Variants in LTN1 observed in about 807,000 individuals in gnomAD.
The protein encoded by LTN1 is E3 ubiquitin-protein ligase listerin.
A neutral mutation model predicts 201.2 loss-of-function variants in LTN1; 88 were observed. That is an observed-to-expected ratio of 0.44 (90% CI 0.37 to 0.52). The LOEUF (loss-of-function observed/expected upper bound fraction) is 0.52, where lower values mean the gene tolerates loss of function less well. Among genes scored for constraint, LTN1 ranks in the 20% least tolerant of loss-of-function variants. LTN1 has a pLI of 0.00. For missense variants in LTN1, 1,752 were observed against 2,038.7 expected (o/e 0.86, Z 2.71); for synonymous variants, 645 against 713.5 (o/e 0.90, Z 1.53).
chr21:28,986,653 T>C lies in LTN1; in HGVS notation c.246+78A>G. On this transcript the variant is annotated intron_variant, in intron 2 of 29. Transcript: ENST00000361371. This position sits in a 1 kb window ranked among gnomAD's most constrained non-coding sequence, Gnocchi z 4.1. ...TAGCAATAAATTGTTCATTTTTCTT[T>C]ACATAAAACATGCTAATGACATTTT... 2 of 1,102,738 alleles carry C rather than the reference T, an allele frequency of 1.8e-6. No homozygotes were observed. Among genetic ancestry groups the C allele is most frequent in the Non-Finnish European group, 2.7e-6 (2 of 746,246 alleles). 68.3% of individuals were successfully genotyped at this position (1,102,738 alleles called of 1,614,324 possible).
intron 18 of LTN1, among the ~76,000 whole-genome samples, chr21:28,948,606 G>A (rs1301509965): frequency 6.6e-6 from 1 of 151,942 alleles, no homozygotes; most frequent in Non-Finnish European, 1.5e-5. Flanking sequence ...ATATAGTTGG[G>A]TTTTATTCAC....
rs2084685077 is a variant in LTN1 at position 28,984,872 on chromosome 21, A to G, written c.396T>C (p.Leu132=). The change falls in exon 4 of 30, where the codon CTT becomes CTC. Residue 132 remains leucine, a synonymous_variant. Coordinates refer to ENST00000361371, the MANE Select transcript of LTN1 (RefSeq NM_015565.3). ...REATQQAFEK[L]ILKVKKQLAP... ...CCAACTGTTTCTTTACTTTAAGGATAAGTTTTTCAAAAGCTTGTTGTGTGG... is the reference window on the plus strand; with the variant it reads ...CCAACTGTTTCTTTACTTTAAGGATGAGTTTTTCAAAAGCTTGTTGTGTGG... The G allele has an allele frequency of 2.5e-6, 4 of 1,614,024 alleles. No individual in the cohort carries two copies. In the African/African-American group the frequency reaches 4.0e-5, roughly 16 times the overall value.
At chr21:28,991,455 T>C (rs188987647) in intron 1 of LTN1, among the ~76,000 whole-genome samples, 41 of 152,318 alleles carry the variant, frequency 2.7e-4, no homozygotes, top group African/African-American at 7.2e-4. Flanking sequence ...TTTTAGAAGA[T>C]ACATGCTGAT....
At chr21:28,952,069 T>C (rs922503231) in intron 18 of LTN1, 91 bp downstream of exon 18, 1 of 674,028 alleles carries the variant, frequency 1.5e-6, no homozygotes, top group African/African-American at 1.8e-5. Flanking sequence ...ACCTGTTTTC[T>C]TGATTCATTA....
intron 19 of LTN1, 146 bp downstream of exon 19, chr21:28,947,318 G>A (rs537425930): frequency 9.8e-6 from 6 of 612,652 alleles, no homozygotes; most frequent in African/African-American, 1.9e-5. Flanking sequence ...AACAGCCACT[G>A]TCTAACAACA....
chr21:28,966,960 A>G lies in LTN1; in HGVS notation c.1531T>C (p.Ser511Pro). Residue 511 changes from serine to proline, a missense_variant, in exon 10 of 30, where the codon TCC becomes CCC. By Grantham distance (74) the Ser-to-Pro change is moderately conservative. This residue lies in a region of LTN1 where 1,211 missense variants were observed against 1,312.8 expected (regional missense o/e 0.92). Coordinates refer to ENST00000361371, the MANE Select transcript of LTN1 (RefSeq NM_015565.3). Reference protein sequence around the residue: ...KISEPEADVESVLGVSNLLQV... With the variant: ...KISEPEADVEPVLGVSNLLQV... Reference sequence around the variant, plus strand: ...AATAGGTTAGATACACCCAAAACGGACTCAACATCAGCTTCTGGCTCACTG... The same window carrying G: ...AATAGGTTAGATACACCCAAAACGGGCTCAACATCAGCTTCTGGCTCACTG... 1 of 1,613,838 alleles carries G rather than the reference A, an allele frequency of 6.2e-7. No homozygotes were observed. Among genetic ancestry groups the G allele is most frequent in the Non-Finnish European group, 8.5e-7 (1 of 1,179,970 alleles).
rs757769609 is a variant in LTN1, at chr21:28,966,700, G to C, written c.1791C>G (p.Leu597=). ...KKPLEDLVCK[L]ADISINYVNE... ...TGACATAATTAATACTTATATCTGC[G>C]AGTTTACAGACTAAGTCTTCCAAAG... The change falls in exon 10 of 30, where the codon CTC becomes CTG. Residue 597 remains leucine (L), a synonymous_variant. Transcript: ENST00000361371. 1.4e-5 allele frequency: 22 copies of C among 1,613,922 alleles called. No individual in the cohort carries two copies. The South Asian group carries it at 1.8e-4, about 13-fold the overall frequency.
At position 28,943,250 on chromosome 21, in the gene LTN1, A is replaced by G; in HGVS notation, c.4295+12T>C. On this transcript the variant is annotated intron_variant, in intron 24 of 29. Transcript: ENST00000361371. ...AGAATTTAATAAAACAAATTATTTA[A>G]AAAAACCTTACAAGGCTGGCTCTTC... 6.4e-7 allele frequency: 1 copy of G among 1,555,284 alleles called. No homozygotes were observed. The highest frequency in any genetic ancestry group is 1.4e-5 in the African/African-American group (1 of 73,306).
intron 28 of LTN1, among the ~76,000 whole-genome samples, chr21:28,931,783 C>T (rs1473227019): frequency 6.6e-6 from 1 of 152,164 alleles, no homozygotes; most frequent in African/African-American, 2.4e-5. Context: ...GGGTAGATCA[C>T]TTGAGGTCAG....
Position 28,981,179 on chromosome 21 carries a change from T to C in LTN1, c.750A>G (p.Lys250=). ...TATTCTGTGATAAAAGAGACTTAAA[T>C]TTCTCCTCCAGAGAATCAAGCTCAT... ...PDNELDSLEE[K]FKSLLSQNKF... is the part of the protein sequence containing the mutation. The change falls in exon 6 of 30, where the codon AAA becomes AAG. Residue 250 remains lysine, a synonymous_variant. Coordinates refer to ENST00000361371, the MANE Select transcript of LTN1 (RefSeq NM_015565.3). 1 of 1,597,348 alleles carries C rather than the reference T, an allele frequency of 6.3e-7. No homozygotes were observed. The highest frequency in any genetic ancestry group is 1.3e-5 in the African/African-American group (1 of 74,126).
chr21:28,953,737 G>A (rs1259333409), intron 16 of LTN1, among the ~76,000 whole-genome samples: 1 of 152,206 alleles, frequency 6.6e-6, no homozygotes, highest in Non-Finnish European at 1.5e-5. Flanking sequence ...GAGGTGAGAA[G>A]TTCATGGCAA....
At chr21:28,934,477 T>C (rs73342749) in intron 27 of LTN1, among the ~76,000 whole-genome samples, 118 of 152,230 alleles carry the variant, frequency 7.8e-4, no homozygotes, top group African/African-American at 2.8e-3. Flanking sequence ...TCATGAGATC[T>C]GGTTGTTTAA....
In LTN1 at chr21:28,959,609, T is replaced by C; in HGVS notation, c.2442A>G (p.Glu814=). ...TAAAAGACACTGATGAGTCACTGCT[T>C]TCAGCTTCTGATAATTTCTTTGTTT... ...LFKTKKLSEA[E]SSDSSVSFIC... is the part of the protein sequence containing the mutation. Residue 814 remains glutamate, a synonymous_variant, in exon 13 of 30, where the codon GAA becomes GAG. Transcript: ENST00000361371. The C allele has an allele frequency of 6.2e-7, 1 of 1,614,078 alleles. No homozygotes were observed. The highest frequency in any genetic ancestry group is 8.5e-7 in the Non-Finnish European group (1 of 1,179,968).
At chr21:28,958,255 G>A (rs2084442726) in intron 14 of LTN1, 131 bp downstream of exon 14, 2 of 803,494 alleles carry the variant, frequency 2.5e-6, no homozygotes, top group Non-Finnish European at 3.8e-6. Context: ...TCAGCCTACT[G>A]AGTAGCTGGG....
chr21:28,981,793 A>G (rs1435186976), intron 5 of LTN1, among the ~76,000 whole-genome samples: 8 of 152,238 alleles, frequency 5.3e-5, no homozygotes, highest in Admixed American at 5.2e-4. Context: ...AATACAACCA[A>G]ATGTGTAGCT....
At chr21:28,950,764 T>C (rs185736828) in intron 18 of LTN1, among the ~76,000 whole-genome samples, 3 of 152,306 alleles carry the variant, frequency 2.0e-5, no homozygotes, top group East Asian at 3.9e-4. Context: ...TCCTCTCACT[T>C]TGGCCTTCCA....
At chr21:28,989,681 C>T (rs141670890) in intron 1 of LTN1, among the ~76,000 whole-genome samples, 1 of 152,222 alleles carries the variant, frequency 6.6e-6, no homozygotes, top group African/African-American at 2.4e-5. Flanking sequence ...AATTATGCTG[C>T]CATCATTCAT....
At chr21:28,935,810 G>A (rs6516881) in intron 26 of LTN1, among the ~76,000 whole-genome samples, 53,893 of 147,910 alleles carry the variant, frequency 0.36, 13,066 homozygotes, top group East Asian at 0.7. Flanking sequence ...ACTGCACTCC[G>A]GCCTGGGCGA....
chr21:28,945,982 A>G (rs942800238), intron 20 of LTN1, 31 bp from the exon 21 acceptor site: 4 of 1,570,272 alleles, frequency 2.5e-6, no homozygotes, highest in Middle Eastern at 1.7e-4. Flanking sequence ...AAAGACAATA[A>G]AAGATTATAT....
Sources: allele counts gnomAD v4.1 joint callset (sites outside exome capture counted in the v4.1 genomes callset), GRCh38; gene constraint gnomAD v4.1.1; regional missense constraint gnomAD v4.1.1; non-coding constraint Gnocchi (gnomAD v3.1); transcripts MANE v1.5; gene names NCBI Gene and HGNC (gene_info 2026-07-23, HGNC 2026-07-21).